Variants in ADAMTS3 observed in about 807,000 individuals in gnomAD.
ADAMTS3 encodes A disintegrin and metalloproteinase with thrombospondin motifs 3.
Under a neutral mutation model 129.0 loss-of-function variants are expected in ADAMTS3, and 73 were observed. The observed-to-expected ratio is 0.57, with a 90% CI of 0.47 to 0.69. The LOEUF (loss-of-function observed/expected upper bound fraction) is 0.69, where lower values mean the gene tolerates loss of function less well. Among genes scored for constraint, ADAMTS3 ranks in the 30% least tolerant of loss-of-function variants. The pLI, the probability that ADAMTS3 is intolerant of heterozygous loss-of-function variation, is 0.00. For missense variants in ADAMTS3, 1,457 were observed against 1,514.5 expected, an observed-to-expected ratio of 0.96 and a Z score of 0.63; for synonymous variants, 477 against 510.8, an observed-to-expected ratio of 0.93 and a Z score of 0.89.
At chr4:72,348,173 A>G (rs1453414399) in intron 4 of ADAMTS3, among the ~76,000 whole-genome samples, 1 of 152,078 alleles carries the variant, frequency 6.6e-6, no homozygotes, top group Non-Finnish European at 1.5e-5. Context: ...AATGGACGAG[A>G]CAAACATGTT....
At chr4:72,467,003 A>G (rs1051660645) in intron 3 of ADAMTS3, among the ~76,000 whole-genome samples, 1 of 152,016 alleles carries the variant, frequency 6.6e-6, no homozygotes, top group Non-Finnish European at 1.5e-5. Context: ...AAACCTCACT[A>G]TATCTCTGGC....
chr4:72,392,867 C>G (rs191706188), intron 4 of ADAMTS3, among the ~76,000 whole-genome samples: 2 of 150,954 alleles, frequency 1.3e-5, no homozygotes, highest in African/African-American at 4.9e-5. Context: ...TTGATGTACT[C>G]TTTGTCTTCA....
In ADAMTS3 at chr4:72,323,186, A is replaced by G. The variant is rs1249282785; in HGVS notation, c.862-89T>C. 1.2e-5 allele frequency: 11 copies of G among 951,754 alleles called. No homozygotes were observed. In the East Asian group the frequency reaches 2.7e-4, roughly 23 times the overall value. The allele number at this position is 951,754 out of a possible 1,614,324, so 59.0% of individuals were successfully genotyped here. A position where few individuals can be genotyped will look rare whatever the true frequency, so the allele number is the denominator to read the frequency against. ...TATAAGCTGTGTAATCACCACAAATAGGTGAGTAAATTGCTGTTTTTAAAT... is the reference window on the plus strand; with the variant it reads ...TATAAGCTGTGTAATCACCACAAATGGGTGAGTAAATTGCTGTTTTTAAAT... On this transcript the variant is annotated intron_variant, in intron 5 of 21. Transcript: ENST00000286657.
chr4:72,309,205 G>A (rs1346002723), intron 15 of ADAMTS3, among the ~76,000 whole-genome samples, 192 bp downstream of exon 15: 1 of 151,150 alleles, frequency 6.6e-6, no homozygotes, highest in Non-Finnish European at 1.5e-5. Flanking sequence ...ATTGACGCTA[G>A]GGAGTATGAA....
intron 11 of ADAMTS3, among the ~76,000 whole-genome samples, chr4:72,315,168 C>T (rs188864319): frequency 1.3e-5 from 2 of 152,324 alleles, no homozygotes; most frequent in East Asian, 3.9e-4. Context: ...GCAAGTCAAT[C>T]AGATCCCACT....
intron 3 of ADAMTS3, among the ~76,000 whole-genome samples, chr4:72,518,966 C>A (rs1085963): frequency 1.3e-5 from 2 of 151,520 alleles, no homozygotes; most frequent in South Asian, 2.1e-4. Flanking sequence ...GATTTTGCAG[C>A]GGCTGGTACC....
intron 2 of ADAMTS3, among the ~76,000 whole-genome samples, chr4:72,549,725 G>C (rs1721559713): frequency 6.6e-6 from 1 of 151,640 alleles, no homozygotes; most frequent in Non-Finnish European, 1.5e-5. Context: ...GAATATGAAA[G>C]AGTATTTGGG....
chr4:72,539,636 T>C (rs1317785592), intron 3 of ADAMTS3, among the ~76,000 whole-genome samples: 1 of 152,210 alleles, frequency 6.6e-6, no homozygotes, highest in African/African-American at 2.4e-5. Context: ...AATCTCATCT[T>C]GAACTGTAAT....
At chr4:72,446,807 C>G (rs549240705) in intron 3 of ADAMTS3, among the ~76,000 whole-genome samples, 4 of 151,742 alleles carry the variant, frequency 2.6e-5, no homozygotes, top group African/African-American at 9.6e-5. Context: ...GAAGGTTGAA[C>G]TAGTGAATCT....
intron 3 of ADAMTS3, among the ~76,000 whole-genome samples, chr4:72,425,337 ATTCT>A (rs1722543930): frequency 6.6e-6 from 1 of 151,404 alleles, no homozygotes; most frequent in Non-Finnish European, 1.5e-5. Flanking sequence ...TGGGCATTTG[ATTCT>A]TTTTTTTTAT....
intron 3 of ADAMTS3, among the ~76,000 whole-genome samples, chr4:72,492,034 T>C (rs1169235279): frequency 2.6e-5 from 4 of 151,706 alleles, no homozygotes; most frequent in African/African-American, 9.7e-5. Context: ...ATTTCTTTTA[T>C]GTAATCTAGT....
chr4:72,380,795 G>A (rs1394894746), intron 4 of ADAMTS3, among the ~76,000 whole-genome samples: 1 of 152,106 alleles, frequency 6.6e-6, no homozygotes, highest in Non-Finnish European at 1.5e-5. Flanking sequence ...AAAATGTGTA[G>A]CAGAGATTGA....
At chr4:72,450,922 G>GGAAA (rs1718381970) in intron 3 of ADAMTS3, among the ~76,000 whole-genome samples, 1 of 144,218 alleles carries the variant, frequency 6.9e-6, no homozygotes, top group South Asian at 2.3e-4. Flanking sequence ...GAGGAGAGCA[G>GGAAA]GGAAGGAAGG....
In ADAMTS3 at chr4:72,512,876, C is replaced by T. The variant is rs188686135; in HGVS notation, c.504+35602G>A. Among the ~76,000 whole-genome samples the T allele has an allele frequency of 4.1e-3, 624 of 152,272 alleles. 6 individuals carry two copies. Among genetic ancestry groups the T allele is most frequent in the Middle Eastern group, 0.01 (3 of 294 alleles). On this transcript the variant is annotated intron_variant, in intron 3 of 21. Coordinates refer to ENST00000286657, the MANE Select transcript of ADAMTS3 (RefSeq NM_014243.3). ...CTTTTTGTCTCTTCTGGCTTCTCCT[C>T]CTGCTCTCCAAAAAGTGGGTATTCT...
In ADAMTS3 at chr4:72,536,889, T is replaced by TA. The variant is rs200545889; in HGVS notation, c.504+11588dup. Among the ~76,000 whole-genome samples, 858 of 152,244 alleles carry TA rather than the reference T, an allele frequency of 5.6e-3. 1 individual carries two copies. The highest frequency in any genetic ancestry group is 0.017 in the African/African-American group (718 of 41,544). ...ATTCATGCTTATTGATTATTCCCAC[T>TA]AAAAAAACCCAAATTTAATATATTC... On this transcript the variant is annotated intron_variant, in intron 3 of 21. Transcript: ENST00000286657.
At chr4:72,313,654 A>T in intron 12 of ADAMTS3, 23 bp downstream of exon 12, 1 of 1,609,620 alleles carries the variant, frequency 6.2e-7, no homozygotes, top group Non-Finnish European at 8.5e-7. Flanking sequence ...CAAAAATAAC[A>T]AGAGTTACAA....
intron 4 of ADAMTS3, among the ~76,000 whole-genome samples, chr4:72,388,804 A>G (rs997193821): frequency 6.6e-6 from 1 of 152,192 alleles, no homozygotes; most frequent in Non-Finnish European, 1.5e-5. Flanking sequence ...GAAAGCATAC[A>G]AAGAAAAACC....
In ADAMTS3 at chr4:72,395,239, A is replaced by C. The variant is rs552975614; in HGVS notation, c.661+19576T>G. The stretch of plus-strand genomic sequence containing the variant: ...GCTGCACATATGGCAAAAGCAAATT[A>C]GATTATCTAAAGAATATCAAATAGT... On this transcript the variant is annotated intron_variant, in intron 4 of 21. Transcript: ENST00000286657. 5.9e-5 allele frequency among the ~76,000 whole-genome samples: 9 copies of C among 152,336 alleles called. No individual in the cohort carries two copies. In the South Asian group the frequency reaches 1.7e-3, roughly 28 times the overall value.
At chr4:72,470,390 C>T (rs1719040101) in intron 3 of ADAMTS3, among the ~76,000 whole-genome samples, 1 of 139,032 alleles carries the variant, frequency 7.2e-6, no homozygotes, top group Non-Finnish European at 1.6e-5. Flanking sequence ...CACACACACA[C>T]ACACACACAC....
Sources: allele counts gnomAD v4.1 joint callset (sites outside exome capture counted in the v4.1 genomes callset), GRCh38; gene constraint gnomAD v4.1.1; transcripts MANE v1.5; gene names NCBI Gene and HGNC (gene_info 2026-07-23, HGNC 2026-07-21).